The following WT1 variants were observed in gnomAD, a reference collection of about 807,000 sequenced individuals.
WT1 encodes Wilms tumor protein.
Under a neutral mutation model 60.8 loss-of-function variants are expected in WT1, and 8 were observed. That is an observed-to-expected ratio of 0.13 (90% CI 0.08 to 0.24). The LOEUF (loss-of-function observed/expected upper bound fraction) is 0.24. WT1 is among the 10% of genes least tolerant of loss of function. The pLI, the probability that WT1 is intolerant of heterozygous loss-of-function variation, is 1.00. For missense variants in WT1, 568 were observed against 711.8 expected, an observed-to-expected ratio of 0.80 and a Z score of 2.30; for synonymous variants, 312 against 297.1, an observed-to-expected ratio of 1.05 and a Z score of -0.52.
chr11:32,411,045 TG>T (rs1852481980), intron 5 of WT1, among the ~76,000 whole-genome samples: 1 of 131,184 alleles, frequency 7.6e-6, no homozygotes, highest in African/African-American at 2.8e-5. Context: ...TCCACTCATC[TG>T]ATGTAACCTC....
chr11:32,420,900 G>A (rs1321303740), intron 3 of WT1, among the ~76,000 whole-genome samples: 1 of 152,158 alleles, frequency 6.6e-6, no homozygotes, highest in Non-Finnish European at 1.5e-5. Flanking sequence ...ACTCTCAGAA[G>A]AGGAGAGAAG....
intron 5 of WT1, among the ~76,000 whole-genome samples, chr11:32,405,563 A>ATTTTTC (rs1852282996): frequency 1.3e-5 from 2 of 150,680 alleles, no homozygotes; most frequent in Non-Finnish European, 3.0e-5. Context: ...ACTTATACAT[A>ATTTTTC]AATATATATA....
chr11:32,399,839 A>C (rs1395693183), intron 6 of WT1, 109 bp downstream of exon 6: 1 of 1,202,572 alleles, frequency 8.3e-7, no homozygotes, highest in Non-Finnish European at 1.2e-6. Context: ...GCCTGCAGTG[A>C]AGAAGAGGCT....
chr11:32,419,363 C>A (rs1366011060), intron 3 of WT1, among the ~76,000 whole-genome samples: 2 of 152,194 alleles, frequency 1.3e-5, no homozygotes, highest in Non-Finnish European at 2.9e-5. Context: ...TTAATCTCAG[C>A]CAACAGGCAT....
intron 4 of WT1, chr11:32,417,282 A>G: frequency 2.4e-6 from 1 of 416,844 alleles, no homozygotes; most frequent in Non-Finnish European, 4.4e-6. Flanking sequence ...AGTAAAACAC[A>G]ATTATTAAAT....
At chr11:32,429,146 C>CAAAATGGGAAGAGTAATGGGAA (rs1853175662) in intron 1 of WT1, 4 of 244,896 alleles carry the variant, frequency 1.6e-5, no homozygotes, top group Admixed American at 1.0e-4. Context: ...GAGTAATTAC[C>CAAAATGGGAAGAGTAATGGGAA]GAGTAATGTT....
At chr11:32,390,969 T>G (rs1376406813) in intron 9 of WT1, among the ~76,000 whole-genome samples, 2 of 126,384 alleles carry the variant, frequency 1.6e-5, no homozygotes, top group African/African-American at 6.8e-5. Flanking sequence ...CCTCATTTTT[T>G]TTTGTTTGTT....
intron 5 of WT1, among the ~76,000 whole-genome samples, chr11:32,403,252 C>T (rs1852209469): frequency 6.6e-6 from 1 of 152,182 alleles, no homozygotes; most frequent in South Asian, 2.1e-4. Flanking sequence ...TGCAATTCAA[C>T]ACTTCCCAAT....
intron 2 of WT1, 109 bp from the exon 3 acceptor site, chr11:32,428,167 G>A (rs1350667774): frequency 1.0e-5 from 11 of 1,079,790 alleles, no homozygotes; most frequent in Middle Eastern, 2.7e-4. Context: ...GGGGCACTGG[G>A]GCCTGGATGA....
rs2132921798 is a variant in WT1 at position 32,392,775 on chromosome 11, C to T, written c.1265-20G>A. ...TCTCACCTTGGGGAAGACACATATT[C>T]TATTTGAAAATGATACTGGAAAAGG... is the stretch of plus-strand genomic sequence containing the variant. On this transcript the variant is annotated intron_variant, in intron 7 of 9. Coordinates refer to ENST00000452863, the MANE Select transcript of WT1 (RefSeq NM_024426.6). 1.2e-6 allele frequency: 2 copies of T among 1,611,022 alleles called. No individual in the cohort carries two copies. Among genetic ancestry groups the T allele is most frequent in the Non-Finnish European group, 1.7e-6 (2 of 1,177,448 alleles).
intron 5 of WT1, chr11:32,400,293 A>G (rs1002015494): frequency 3.0e-5 from 17 of 570,780 alleles, no homozygotes; most frequent in Admixed American, 5.3e-5. Flanking sequence ...GTCACGGTCT[A>G]GGTCTCGCTC....
chr11:32,435,420 G>A lies in WT1; in HGVS notation c.-60C>T. On this transcript the variant is annotated 5_prime_UTR_variant, in exon 1 of 10. Coordinates refer to ENST00000452863, the MANE Select transcript of WT1 (RefSeq NM_024426.6). ...TGGGCTGCCGTCCCGGCTCTGGGTG[G>A]GTGGGTGGGTGAATGAGTAGGTGGG... is the stretch of plus-strand genomic sequence containing the variant. 2.2e-6 allele frequency: 2 copies of A among 926,090 alleles called. No homozygotes were observed. Among genetic ancestry groups the A allele is most frequent in the Non-Finnish European group, 3.1e-6 (2 of 651,206 alleles). 57.4% of individuals were successfully genotyped at this position (926,090 alleles called of 1,614,324 possible). A position where few individuals can be genotyped will look rare whatever the true frequency, so the allele number is the denominator to read the frequency against.
chr11:32,422,392 C>T (rs1022864454), intron 3 of WT1, among the ~76,000 whole-genome samples: 1 of 152,208 alleles, frequency 6.6e-6, no homozygotes, highest in African/African-American at 2.4e-5. Flanking sequence ...ATAACATTGC[C>T]CATCACCCTG....
At chr11:32,420,648 C>A (rs942835771) in intron 3 of WT1, among the ~76,000 whole-genome samples, 1 of 152,146 alleles carries the variant, frequency 6.6e-6, no homozygotes, top group Non-Finnish European at 1.5e-5. Flanking sequence ...CCTATGAAGG[C>A]ATCCTGAGCC....
chr11:32,415,564 C>T (rs993121135), intron 5 of WT1, among the ~76,000 whole-genome samples: 1 of 152,208 alleles, frequency 6.6e-6, no homozygotes, highest in Admixed American at 6.5e-5. Context: ...AGGAGAATCG[C>T]TTGAACCCGG....
intron 3 of WT1, among the ~76,000 whole-genome samples, chr11:32,424,467 A>C (rs374065501): frequency 1.1e-3 from 163 of 152,302 alleles, no homozygotes; most frequent in African/African-American, 3.9e-3. Context: ...GCATGCAATA[A>C]ATTCCAGTTA....
intron 1 of WT1, chr11:32,430,458 GAGAGA>G (rs1853254294): frequency 3.4e-5 from 11 of 323,556 alleles, no homozygotes; most frequent in Admixed American, 5.3e-5. Flanking sequence ...GAGGGAGGGA[GAGAGA>G]GAGAGAGAGA....
intron 1 of WT1, 143 bp from the exon 2 acceptor site, chr11:32,428,762 C>G: frequency 3.6e-6 from 5 of 1,388,050 alleles, no homozygotes; most frequent in Non-Finnish European, 4.9e-6. Flanking sequence ...GCCCCACAAG[C>G]CTCCAGGACT....
At chr11:32,391,115 G>C (rs1324942737) in intron 9 of WT1, among the ~76,000 whole-genome samples, 1 of 152,070 alleles carries the variant, frequency 6.6e-6, no homozygotes, top group Non-Finnish European at 1.5e-5. Flanking sequence ...CCCCCAAATA[G>C]CTGGGACTAT....
Sources: allele counts gnomAD v4.1 joint callset (sites outside exome capture counted in the v4.1 genomes callset), GRCh38; gene constraint gnomAD v4.1.1; transcripts MANE v1.5; gene names NCBI Gene and HGNC (gene_info 2026-07-23, HGNC 2026-07-21).